Variants in ATE1 observed in about 807,000 individuals in gnomAD.
ATE1 encodes the protein arginyl-tRNA--protein transferase 1.
ATE1 carries 36 observed loss-of-function variants against 70.5 expected under a neutral mutation model. The observed-to-expected ratio is 0.51, with a 90% confidence interval of 0.39 to 0.67. The LOEUF is 0.67. Among genes scored for constraint, ATE1 ranks in the 30% least tolerant of loss-of-function variants. ATE1 has a pLI of 0.00. For synonymous variants in ATE1, 232 were observed against 219.3 expected (o/e 1.06, Z -0.51); for missense variants, 593 against 629.5 (o/e 0.94, Z 0.62).
chr10:121,828,681 C>G (rs917938408), intron 10 of ATE1, among the ~76,000 whole-genome samples: 1 of 152,154 alleles, frequency 6.6e-6, no homozygotes. Context: ...ATGGGTGGAG[C>G]AGCATGCACA....
At chr10:121,922,261 T>A in intron 3 of ATE1, 88 bp downstream of exon 3, 1 of 913,210 alleles carries the variant, frequency 1.1e-6, no homozygotes, top group African/African-American at 1.7e-5. Context: ...AGAGCGGAAA[T>A]AAACATTAAA....
At position 121,875,585 on chromosome 10, in the gene ATE1, G is replaced by A. The variant is rs1394851915; in HGVS notation, c.943-5547C>T. Among the ~76,000 whole-genome samples the A allele has an allele frequency of 2.6e-5, 4 of 152,114 alleles. No individual in the cohort carries two copies. In the East Asian group the frequency reaches 5.8e-4, roughly 22 times the overall value. ...CTCCCAAACTGCTGGGATTACAGGC[G>A]TGAGCCACCGCGCCCAGCCAGGTCT... On this transcript the variant is annotated intron_variant, in intron 7 of 11. Coordinates refer to ENST00000224652, the MANE Select transcript of ATE1 (RefSeq NM_001001976.3).
chr10:121,812,614 T>C (rs952655794), intron 10 of ATE1, among the ~76,000 whole-genome samples: 1 of 152,144 alleles, frequency 6.6e-6, no homozygotes, highest in Non-Finnish European at 1.5e-5. Context: ...ATTATTATGG[T>C]CCCTAAAAAA....
At chr10:121,853,486 A>G (rs1949133557) in intron 8 of ATE1, among the ~76,000 whole-genome samples, 1 of 152,160 alleles carries the variant, frequency 6.6e-6, no homozygotes, top group Non-Finnish European at 1.5e-5. Context: ...TGCATATTGG[A>G]GCATTTCAGA....
intron 6 of ATE1, among the ~76,000 whole-genome samples, chr10:121,900,311 CAAAT>C (rs945744911): frequency 6.6e-6 from 1 of 152,144 alleles, no homozygotes; most frequent in South Asian, 2.1e-4. Context: ...CATACACACA[CAAAT>C]AAATACCCTC....
At chr10:121,857,822 T>C (rs988149559) in intron 8 of ATE1, among the ~76,000 whole-genome samples, 4 of 152,196 alleles carry the variant, frequency 2.6e-5, no homozygotes, top group Non-Finnish European at 5.9e-5. Flanking sequence ...AGAAACTACG[T>C]ACCCATTAAA....
intron 7 of ATE1, among the ~76,000 whole-genome samples, chr10:121,886,283 C>T (rs1950394439): frequency 7.1e-6 from 1 of 141,364 alleles, no homozygotes; most frequent in African/African-American, 2.8e-5. Context: ...ACCAAAAATA[C>T]ATTGATGATT....
chr10:121,776,831 C>T (rs562998564), intron 11 of ATE1, among the ~76,000 whole-genome samples: 6 of 152,324 alleles, frequency 3.9e-5, no homozygotes, highest in African/African-American at 1.2e-4. Context: ...GTTTGGAAAA[C>T]ACTATTCTAC....
At chr10:121,783,435 G>C (rs551886630) in intron 11 of ATE1, among the ~76,000 whole-genome samples, 1 of 152,120 alleles carries the variant, frequency 6.6e-6, no homozygotes, top group South Asian at 2.1e-4. Flanking sequence ...GCTGAACCAT[G>C]GTTCTGCTAT....
At chr10:121,864,616 G>A (rs1212059962) in intron 8 of ATE1, among the ~76,000 whole-genome samples, 1 of 152,220 alleles carries the variant, frequency 6.6e-6, no homozygotes, top group Non-Finnish European at 1.5e-5. Context: ...CAGTAGGGTT[G>A]AATTTAAGTG....
intron 8 of ATE1, among the ~76,000 whole-genome samples, chr10:121,847,186 C>T (rs1265490187): frequency 2.6e-5 from 4 of 152,180 alleles, no homozygotes; most frequent in Non-Finnish European, 4.4e-5. Context: ...CGGTGTCTCA[C>T]GCATGTAATC....
intron 11 of ATE1, among the ~76,000 whole-genome samples, chr10:121,755,617 T>C (rs190117376): frequency 1.3e-5 from 2 of 152,312 alleles, no homozygotes; most frequent in East Asian, 3.9e-4. Context: ...CACAGTTCCA[T>C]GTGGCTGGGG....
chr10:121,852,636 G>A (rs542503998), intron 8 of ATE1, among the ~76,000 whole-genome samples: 13 of 152,074 alleles, frequency 8.5e-5, no homozygotes, highest in South Asian at 8.3e-4. Context: ...ACTTGAACCC[G>A]GGAGGCAGAG....
chr10:121,789,084 A>G (rs1946326391), intron 11 of ATE1, among the ~76,000 whole-genome samples: 1 of 152,224 alleles, frequency 6.6e-6, no homozygotes, highest in Admixed American at 6.5e-5. Context: ...TAATTTGGCT[A>G]GTGACCACCA....
rs140219220 is a variant in ATE1, at chr10:121,910,951, C to T, written c.538G>A (p.Gly180Ser). ...QDFVGEKLGS[G>S]EPSHSVKVHT... ...ACTTTAACTGAATGTGACGGTTCAC[C>T]AGAGCCCAACTTCTCTCCTACGAAA... Residue 180 changes from glycine to serine, a missense_variant, in exon 5 of 12, where the codon GGT becomes AGT. This residue lies in a region of ATE1 where 467 missense variants were observed against 469.6 expected (regional missense o/e 0.99). Transcript: ENST00000224652. 1.5e-5 allele frequency: 25 copies of T among 1,613,696 alleles called. No individual in the cohort carries two copies. Among genetic ancestry groups the T allele is most frequent in the Non-Finnish European group, 1.9e-5 (23 of 1,179,988 alleles).
intron 11 of ATE1, among the ~76,000 whole-genome samples, chr10:121,769,762 C>T (rs534337140): frequency 2.0e-5 from 3 of 152,288 alleles, no homozygotes; most frequent in East Asian, 1.9e-4. Flanking sequence ...GATGTAAAGA[C>T]GTTCAACATC....
At chr10:121,804,855 A>C (rs80297836) in intron 10 of ATE1, among the ~76,000 whole-genome samples, 1 of 151,922 alleles carries the variant, frequency 6.6e-6, no homozygotes, top group African/African-American at 2.4e-5. Flanking sequence ...GTCTCCTGAG[A>C]GCTTCCAACA....
In ATE1 at chr10:121,743,526, A is replaced by G. The variant is rs1288550428; in HGVS notation, c.*154T>C. On this transcript the variant is annotated 3_prime_UTR_variant, in exon 12 of 12. Coordinates refer to ENST00000224652, the MANE Select transcript of ATE1 (RefSeq NM_001001976.3). ...TTAACTATGAGATTCTCACAGATACATTGCCACAAAATATTTTTTAAAAGC... is the reference window on the plus strand; with the variant it reads ...TTAACTATGAGATTCTCACAGATACGTTGCCACAAAATATTTTTTAAAAGC... 52 of 1,323,582 alleles carry G rather than the reference A, an allele frequency of 3.9e-5. No homozygotes were observed. The highest frequency in any genetic ancestry group is 5.0e-5 in the Non-Finnish European group (52 of 1,036,386). The allele number at this position is 1,323,582 out of a possible 1,614,324, so 82.0% of individuals were successfully genotyped here. A position where few individuals can be genotyped will look rare whatever the true frequency, so the allele number is the denominator to read the frequency against.
intron 3 of ATE1, among the ~76,000 whole-genome samples, chr10:121,918,614 A>G (rs1951753640): frequency 6.6e-6 from 1 of 152,196 alleles, no homozygotes; most frequent in Non-Finnish European, 1.5e-5. Context: ...TCCATAATCC[A>G]ATAAATTGCT....
Sources: gnomAD v4.1 joint callset for allele counts (sites outside exome capture counted in the v4.1 genomes callset) on GRCh38, gnomAD v4.1.1 for gene constraint, gnomAD v4.1.1 regional missense constraint, MANE v1.5 for transcripts, NCBI Gene and HGNC (gene_info 2026-07-23, HGNC 2026-07-21) for gene names.